Variants in AJAP1 observed in about 807,000 individuals in gnomAD.
AJAP1 encodes adherens junction-associated protein 1.
A neutral mutation model predicts 35.0 loss-of-function variants in AJAP1; 5 were observed. The observed-to-expected ratio is 0.14, with a 90% CI of 0.07 to 0.30. The LOEUF (loss-of-function observed/expected upper bound fraction) is 0.30, where lower values mean the gene tolerates loss of function less well. Among genes scored for constraint, AJAP1 ranks in the 10% least tolerant of loss-of-function variants. AJAP1 has a pLI of 1.00. For missense variants in AJAP1, 586 were observed against 571.0 expected (o/e 1.03, Z -0.27); for synonymous variants, 284 against 249.3 (o/e 1.14, Z -1.31).
chr1:4,787,865 C>T lies in AJAP1; in HGVS notation c.*5380C>T, dbSNP rs557907065. ...CTCCAGAAGCTCCCCCAGCACTGAG[C>T]TCACTTAGTGGCATCCTTCTTAAAC... On this transcript the variant is annotated 3_prime_UTR_variant, in exon 6 of 6. Coordinates refer to ENST00000378191, the MANE Select transcript of AJAP1 (RefSeq NM_018836.4). The T allele has an allele frequency of 9.4e-6, 4 of 425,428 alleles. No individual in the cohort carries two copies. The highest frequency in any genetic ancestry group is 1.9e-5 in the Non-Finnish European group (4 of 209,052). 26.4% of individuals were successfully genotyped at this position (425,428 alleles called of 1,614,324 possible).
At chr1:4,745,510 T>C (rs1018586013) in intron 2 of AJAP1, among the ~76,000 whole-genome samples, 2 of 151,620 alleles carry the variant, frequency 1.3e-5, no homozygotes, top group Admixed American at 6.6e-5. Context: ...GGGCCTGGGG[T>C]TTTAAGCCAG....
chr1:4,691,597 T>A (rs898657069), intron 1 of AJAP1, among the ~76,000 whole-genome samples: 4 of 152,102 alleles, frequency 2.6e-5, no homozygotes, highest in Non-Finnish European at 5.9e-5. Flanking sequence ...GAGTCGGAGC[T>A]AACTCCGGGC....
intron 1 of AJAP1, among the ~76,000 whole-genome samples, chr1:4,664,291 T>G (rs1475819416): frequency 6.6e-6 from 1 of 152,218 alleles, no homozygotes; most frequent in Non-Finnish European, 1.5e-5. Flanking sequence ...TCCACCAGGC[T>G]GGGGCAGGCA....
At position 4,687,146 on chromosome 1, in the gene AJAP1, A is replaced by G. The variant is rs1007354360; in HGVS notation, c.30-24754A>G. Among the ~76,000 whole-genome samples the G allele has an allele frequency of 5.9e-5, 9 of 152,284 alleles. 1 individual carries two copies. The highest frequency in any genetic ancestry group is 4.6e-4 in the Admixed American group (7 of 15,310). On this transcript the variant is annotated intron_variant, in intron 1 of 5. Coordinates refer to ENST00000378191, the MANE Select transcript of AJAP1 (RefSeq NM_018836.4). ...TCCTTTCCTCCTCTTTACAGAATCC[A>G]TTCCATAGACATGGACAATAATTTA...
Position 4,774,713 on chromosome 1 carries a change from G to A in AJAP1, c.*59+155G>A, listed in dbSNP as rs983094722. Among the ~76,000 whole-genome samples, 55 of 152,186 alleles carry A rather than the reference G, an allele frequency of 3.6e-4. 1 individual carries two copies. Among genetic ancestry groups the A allele is most frequent in the Middle Eastern group, 3.4e-3 (1 of 294 alleles). On this transcript the variant is annotated intron_variant, in intron 5 of 5. Transcript: ENST00000378191. ...TCTCTGAACATGAGCCGGCGGGGGGGGCTGGGCTTTTGACCTTGATGTTGG... is the reference window on the plus strand; with the variant it reads ...TCTCTGAACATGAGCCGGCGGGGGGAGCTGGGCTTTTGACCTTGATGTTGG...
intron 1 of AJAP1, among the ~76,000 whole-genome samples, chr1:4,700,938 A>T (rs147280997): frequency 1.3e-5 from 2 of 152,272 alleles, no homozygotes; most frequent in Non-Finnish European, 2.9e-5. Context: ...CCAGCAGCAG[A>T]GGCTCAGCTA....
chr1:4,749,664 G>A (rs1238895728), intron 2 of AJAP1, among the ~76,000 whole-genome samples: 1 of 152,238 alleles, frequency 6.6e-6, no homozygotes, highest in Non-Finnish European at 1.5e-5. Flanking sequence ...TGTGCACAGA[G>A]GGACACAGTG....
chr1:4,672,336 A>G (rs1639268296), intron 1 of AJAP1, among the ~76,000 whole-genome samples: 1 of 152,228 alleles, frequency 6.6e-6, no homozygotes, highest in Admixed American at 6.5e-5. Flanking sequence ...ACAGTCATGA[A>G]TACGGAGACA....
At position 4,656,124 on chromosome 1, in the gene AJAP1, C is replaced by T. The variant is rs1486254854; in HGVS notation, c.29+670C>T. 1.3e-5 allele frequency among the ~76,000 whole-genome samples: 2 copies of T among 151,544 alleles called. No homozygotes were observed. Among genetic ancestry groups the T allele is most frequent in the Non-Finnish European group, 2.9e-5 (2 of 67,864 alleles). On this transcript the variant is annotated intron_variant, in intron 1 of 5. Coordinates refer to ENST00000378191, the MANE Select transcript of AJAP1 (RefSeq NM_018836.4). This position sits in a 1 kb window ranked among gnomAD's most constrained non-coding sequence, Gnocchi z 5.7. ...CCCGCTGTAAACACACACGCACATA[C>T]GCCCGCCGGCGCGCCCGGGGCTTGT...
chr1:4,738,585 G>T (rs1316051311), intron 2 of AJAP1, among the ~76,000 whole-genome samples: 1 of 152,124 alleles, frequency 6.6e-6, no homozygotes, highest in Non-Finnish European at 1.5e-5. Context: ...AAGGAGAGGG[G>T]GTGGGAGCCA....
At chr1:4,704,182 G>A (rs1640051656) in intron 1 of AJAP1, among the ~76,000 whole-genome samples, 1 of 145,866 alleles carries the variant, frequency 6.9e-6, no homozygotes, top group African/African-American at 2.5e-5. Context: ...TATACTTTAA[G>A]TTTTAGGGTA....
intron 2 of AJAP1, among the ~76,000 whole-genome samples, chr1:4,761,350 C>T (rs1284483339): frequency 4.6e-5 from 7 of 152,166 alleles, no homozygotes; most frequent in African/African-American, 9.7e-5. Context: ...CTCTGAGTCC[C>T]GTCTGTAACA....
intron 1 of AJAP1, among the ~76,000 whole-genome samples, chr1:4,699,074 C>T (rs1639928077): frequency 6.6e-6 from 1 of 152,202 alleles, no homozygotes; most frequent in Non-Finnish European, 1.5e-5. Flanking sequence ...CTCCTTCTCA[C>T]TCCTAACAAG....
chr1:4,761,349 C>G (rs1641560309), intron 2 of AJAP1, among the ~76,000 whole-genome samples: 1 of 152,164 alleles, frequency 6.6e-6, no homozygotes, highest in South Asian at 2.1e-4. Flanking sequence ...TCTCTGAGTC[C>G]CGTCTGTAAC....
rs114985695 is a variant in AJAP1 at position 4,707,611 on chromosome 1, G to A, written c.30-4289G>A. Among the ~76,000 whole-genome samples the A allele has an allele frequency of 9.8e-3, 1,495 of 152,246 alleles. 15 individuals carry two copies. The highest frequency in any genetic ancestry group is 0.015 in the Non-Finnish European group (1,024 of 68,030). Reference sequence around the variant, plus strand: ...TAATCCTGCCTTCCTTTTAAAGGCTGAACGATACTCCATTGTAACATTATG... The same window carrying A: ...TAATCCTGCCTTCCTTTTAAAGGCTAAACGATACTCCATTGTAACATTATG... On this transcript the variant is annotated intron_variant, in intron 1 of 5. Coordinates refer to ENST00000378191, the MANE Select transcript of AJAP1 (RefSeq NM_018836.4).
chr1:4,695,525 C>T (rs1639839577), intron 1 of AJAP1, among the ~76,000 whole-genome samples: 1 of 152,102 alleles, frequency 6.6e-6, no homozygotes, highest in Non-Finnish European at 1.5e-5. Flanking sequence ...GGAACAGGTG[C>T]AGATTCAGGC....
At chr1:4,761,974 CTT>C (rs1483750308) in intron 2 of AJAP1, among the ~76,000 whole-genome samples, 2 of 152,164 alleles carry the variant, frequency 1.3e-5, no homozygotes, top group African/African-American at 4.8e-5. Flanking sequence ...AGAAACAACA[CTT>C]TGCATCCTTC....
Position 4,672,675 on chromosome 1 carries a change from C to A in AJAP1, c.29+17221C>A, listed in dbSNP as rs534959805. 3.8e-3 allele frequency among the ~76,000 whole-genome samples: 580 copies of A among 152,296 alleles called. 4 individuals are homozygous for A. Among genetic ancestry groups the A allele is most frequent in the Middle Eastern group, 0.027 (8 of 294 alleles). On this transcript the variant is annotated intron_variant, in intron 1 of 5. Coordinates refer to ENST00000378191, the MANE Select transcript of AJAP1 (RefSeq NM_018836.4). ...CCACCGCCCTCCCAGTGTGTGCATC[C>A]AGGCTGTGTGAGTGAGAAGGTGGGA...
intron 1 of AJAP1, among the ~76,000 whole-genome samples, chr1:4,664,486 G>T (rs1312458379): frequency 6.6e-6 from 1 of 152,180 alleles, no homozygotes; most frequent in Non-Finnish European, 1.5e-5. Flanking sequence ...GCCTGTCCGG[G>T]TGGTTGGGCC....
Sources: allele counts gnomAD v4.1 joint callset (sites outside exome capture counted in the v4.1 genomes callset), GRCh38; gene constraint gnomAD v4.1.1; non-coding constraint Gnocchi (gnomAD v3.1); transcripts MANE v1.5; gene names NCBI Gene and HGNC (gene_info 2026-07-23, HGNC 2026-07-21).